ARHGAP31: variants seen among roughly 807,000 people sequenced by gnomAD.
ARHGAP31 encodes rho GTPase-activating protein 31.
ARHGAP31 carries 34 observed loss-of-function variants against 113.9 expected under a neutral mutation model. The ratio of observed to expected loss-of-function variants is 0.30; its 90% confidence interval spans 0.23 to 0.40. ARHGAP31 has a LOEUF of 0.40. Ranked by LOEUF, ARHGAP31 falls within the 10% of genes least tolerant of loss-of-function variation. The pLI is 1.00. For missense variants in ARHGAP31, 1,548 were observed against 1,767.1 expected (o/e 0.88, Z 2.22); for synonymous variants, 650 against 684.8 (o/e 0.95, Z 0.79).
intron 1 of ARHGAP31, among the ~76,000 whole-genome samples, chr3:119,345,393 C>A (rs755959398): frequency 6.6e-6 from 1 of 152,176 alleles, no homozygotes; most frequent in African/African-American, 2.4e-5. Context: ...CCCCAGCACA[C>A]TGGGGTTATG....
chr3:119,397,262 A>G (rs1186007303), intron 8 of ARHGAP31, among the ~76,000 whole-genome samples: 1 of 152,228 alleles, frequency 6.6e-6, no homozygotes, highest in Admixed American at 6.5e-5. Flanking sequence ...CAAGGCCACA[A>G]GGAACTGCAT....
chr3:119,388,782 A>C (rs1267588258), intron 6 of ARHGAP31, among the ~76,000 whole-genome samples: 5 of 152,176 alleles, frequency 3.3e-5, no homozygotes, highest in Non-Finnish European at 5.9e-5. Context: ...ACCTACTGAC[A>C]CAAAGAAGAT....
chr3:119,366,899 C>T (rs1039978957), intron 2 of ARHGAP31, among the ~76,000 whole-genome samples: 55 of 152,004 alleles, frequency 3.6e-4, no homozygotes, highest in African/African-American at 1.3e-3. Context: ...GTCAGGAGTT[C>T]GAGACAAGCC....
At chr3:119,305,164 C>T (rs960437202) in intron 1 of ARHGAP31, among the ~76,000 whole-genome samples, 1 of 152,170 alleles carries the variant, frequency 6.6e-6, no homozygotes, top group Admixed American at 6.5e-5. Context: ...ACATTAAATT[C>T]TCCTTCCATG....
intron 7 of ARHGAP31, among the ~76,000 whole-genome samples, chr3:119,393,023 T>C (rs9834901): frequency 0.18 from 28,082 of 152,048 alleles, 2,643 homozygotes; most frequent in East Asian, 0.33. Flanking sequence ...GAGAGGATGG[T>C]TTGAGTCCAA....
At chr3:119,326,783 A>G (rs1559967842) in intron 1 of ARHGAP31, among the ~76,000 whole-genome samples, 1 of 152,188 alleles carries the variant, frequency 6.6e-6, no homozygotes. Context: ...TGTATCTGCT[A>G]TTCCCTTTAT....
At chr3:119,367,865 G>GAA (rs1421774014) in intron 2 of ARHGAP31, among the ~76,000 whole-genome samples, 23 of 111,044 alleles carry the variant, frequency 2.1e-4, no homozygotes, top group African/African-American at 6.6e-4. Flanking sequence ...TCAAAAAAAA[G>GAA]AAAAAAAAAA....
chr3:119,390,991 G>A lies in ARHGAP31; in HGVS notation c.881+8G>A. 1 of 1,613,832 alleles carries A rather than the reference G, an allele frequency of 6.2e-7. No individual in the cohort carries two copies. Among genetic ancestry groups the A allele is most frequent in the Non-Finnish European group, 8.5e-7 (1 of 1,179,808 alleles). ...TGAGTTACCAGACAACAAGTAAGTG[G>A]CACTCTTTTAAAAAATTCTAGGAGA... On this transcript the variant is annotated splice_region_variant and intron_variant, in intron 7 of 11. Transcript: ENST00000264245.
chr3:119,336,203 T>G (rs896470795), intron 1 of ARHGAP31, among the ~76,000 whole-genome samples: 1 of 152,204 alleles, frequency 6.6e-6, no homozygotes, highest in African/African-American at 2.4e-5. Flanking sequence ...ATACTGGTTC[T>G]GAGTTAAGAA....
intron 3 of ARHGAP31, among the ~76,000 whole-genome samples, chr3:119,379,027 G>A (rs1166642581): frequency 2.0e-5 from 3 of 152,192 alleles, no homozygotes; most frequent in African/African-American, 7.2e-5. Flanking sequence ...TTCCCACATA[G>A]AGAAGTTGGA....
At chr3:119,298,581 A>G (rs1301093746) in intron 1 of ARHGAP31, 1 of 152,204 alleles carries the variant, frequency 6.6e-6, no homozygotes, top group Non-Finnish European at 1.5e-5. Context: ...CTTTACTTTA[A>G]TGGCTGAGGA....
chr3:119,308,863 C>T (rs138612934), intron 1 of ARHGAP31, among the ~76,000 whole-genome samples: 1 of 152,216 alleles, frequency 6.6e-6, no homozygotes, highest in East Asian at 1.9e-4. Context: ...AAATTTTAGA[C>T]AGGGTCTCAC....
In ARHGAP31 at chr3:119,415,342, G is replaced by A. The variant is rs1250166075; in HGVS notation, c.3413G>A (p.Gly1138Glu). ...SSPGMQVSEP[G>E]DPKVTWMTSS... ...CCTGGAATGCAGGTCTCTGAGCCAG[G>A]AGACCCAAAGGTCACATGGATGACC... is the stretch of plus-strand genomic sequence containing the variant. Residue 1138 changes from glycine (G) to glutamate (E), a missense_variant, in exon 12 of 12, where the codon GGA becomes GAA. Coordinates refer to ENST00000264245, the MANE Select transcript of ARHGAP31 (RefSeq NM_020754.4). The A allele has an allele frequency of 1.2e-6, 2 of 1,614,122 alleles. No individual in the cohort carries two copies. The highest frequency in any genetic ancestry group is 8.5e-7 in the Non-Finnish European group (1 of 1,180,036).
chr3:119,380,624 C>T lies in ARHGAP31; in HGVS notation c.349-280C>T, dbSNP rs1228139384. Among the ~76,000 whole-genome samples the T allele has an allele frequency of 2.0e-5, 3 of 151,980 alleles. No homozygotes were observed. The South Asian group carries it at 6.3e-4, about 32-fold the overall frequency. Reference sequence around the variant, plus strand: ...CCCCCGAGACACACCCGAGATTCTACACATTCTTACCAGACGCCTAGCAAC... The same window carrying T: ...CCCCCGAGACACACCCGAGATTCTATACATTCTTACCAGACGCCTAGCAAC... On this transcript the variant is annotated intron_variant, in intron 3 of 11. Coordinates refer to ENST00000264245, the MANE Select transcript of ARHGAP31 (RefSeq NM_020754.4).
At position 119,388,238 on chromosome 3, in the gene ARHGAP31, T is replaced by A. The variant is rs985498200; in HGVS notation, c.683-2547T>A. On this transcript the variant is annotated intron_variant, in intron 6 of 11. Coordinates refer to ENST00000264245, the MANE Select transcript of ARHGAP31 (RefSeq NM_020754.4). ...TATACTGTGTAATTTCTATTTTTTTTATATATTTGCTATTACGCATGACAC... is the reference window on the plus strand; with the variant it reads ...TATACTGTGTAATTTCTATTTTTTTAATATATTTGCTATTACGCATGACAC... 7.9e-5 allele frequency among the ~76,000 whole-genome samples: 12 copies of A among 151,268 alleles called. No individual in the cohort carries two copies. In the East Asian group the frequency reaches 2.1e-3, roughly 27 times the overall value.
rs531700168 is a variant in ARHGAP31 at position 119,402,389 on chromosome 3, C to G, written c.1637C>G (p.Thr546Ser). Residue 546 changes from threonine (T) to serine (S), a missense_variant, in exon 10 of 12, where the codon ACT becomes AGT. Thr to Ser is a moderately conservative substitution (Grantham distance 58, BLOSUM62 1). Coordinates refer to ENST00000264245, the MANE Select transcript of ARHGAP31 (RefSeq NM_020754.4). ...GAAGAGAAACCGCTGGGAGCTGAGA[C>G]TTCTGCAGGTAAGTAGAGGAGAGAG... ...PEEEKPLGAETSAASVPKKAG... is the reference protein window; with the variant it reads ...PEEEKPLGAESSAASVPKKAG... 1 of 1,613,078 alleles carries G rather than the reference C, an allele frequency of 6.2e-7. No individual in the cohort carries two copies. The highest frequency in any genetic ancestry group is 1.3e-5 in the African/African-American group (1 of 75,058).
chr3:119,409,575 C>T lies in ARHGAP31; in HGVS notation c.1725C>T (p.Gly575=). ...CGGGGACAGTGGAATGCAGCAAAGGCCTGTCCCAGGAGCCAGGCGCCCACC... is the reference window on the plus strand; with the variant it reads ...CGGGGACAGTGGAATGCAGCAAAGGTCTGTCCCAGGAGCCAGGCGCCCACC... ...EAPGTVECSK[G]LSQEPGAHLE... is the part of the protein sequence containing the mutation. The change falls in exon 11 of 12, where the codon GGC becomes GGT. Residue 575 remains glycine (G), a synonymous_variant. Transcript: ENST00000264245. 6.2e-7 allele frequency: 1 copy of T among 1,614,194 alleles called. No homozygotes were observed. The highest frequency in any genetic ancestry group is 1.1e-5 in the South Asian group (1 of 91,086).
chr3:119,347,763 T>C (rs7612016), intron 1 of ARHGAP31, among the ~76,000 whole-genome samples: 77,866 of 152,072 alleles, frequency 0.51, 22,137 homozygotes, highest in African/African-American at 0.78. Flanking sequence ...GAAAGCTCAC[T>C]ATCCCTGGGC....
intron 1 of ARHGAP31, among the ~76,000 whole-genome samples, chr3:119,334,528 C>A (rs1168808971): frequency 6.6e-6 from 1 of 152,192 alleles, no homozygotes; most frequent in Non-Finnish European, 1.5e-5. Flanking sequence ...CCTTCTGGGC[C>A]CATCTTCAGG....
Sources: allele counts gnomAD v4.1 joint callset (sites outside exome capture counted in the v4.1 genomes callset), GRCh38; gene constraint gnomAD v4.1.1; transcripts MANE v1.5; gene names NCBI Gene and HGNC (gene_info 2026-07-23, HGNC 2026-07-21).